The following IGSF11 variants were observed in gnomAD, a reference collection of about 807,000 sequenced individuals.
IGSF11 encodes immunoglobulin superfamily member 11.
IGSF11 carries 22 observed loss-of-function variants against 41.0 expected under a neutral mutation model. The observed-to-expected ratio is 0.54, with a 90% confidence interval of 0.38 to 0.77. The LOEUF is 0.77. Ranked by LOEUF, IGSF11 falls within the 30% of genes least tolerant of loss-of-function variation. IGSF11 has a pLI of 0.00. For synonymous variants in IGSF11, 219 were observed against 201.3 expected, an observed-to-expected ratio of 1.09 and a Z score of -0.74; for missense variants, 444 against 530.8, an observed-to-expected ratio of 0.84 and a Z score of 1.61.
chr3:118,963,254 T>G (rs1040075874), intron 1 of IGSF11, among the ~76,000 whole-genome samples: 1 of 152,192 alleles, frequency 6.6e-6, no homozygotes, highest in African/African-American at 2.4e-5. Context: ...TTCTTAGGCA[T>G]GCTAAAATTT....
chr3:119,027,349 G>C (rs190741430), intron 1 of IGSF11, among the ~76,000 whole-genome samples: 1 of 152,272 alleles, frequency 6.6e-6, no homozygotes, highest in East Asian at 1.9e-4. Context: ...TGAAAATGCT[G>C]TCAAAATACT....
At chr3:118,971,069 T>C (rs1272323936) in intron 1 of IGSF11, among the ~76,000 whole-genome samples, 1 of 152,174 alleles carries the variant, frequency 6.6e-6, no homozygotes, top group East Asian at 1.9e-4. Context: ...ATGTGCCTTA[T>C]GCTCCCTCAT....
chr3:119,086,313 T>C (rs2076672231), intron 1 of IGSF11, among the ~76,000 whole-genome samples: 1 of 152,150 alleles, frequency 6.6e-6, no homozygotes, highest in African/African-American at 2.4e-5. Context: ...GGAAAACATA[T>C]TTGAGGATTC....
chr3:119,066,700 G>A (rs554123900), intron 1 of IGSF11, among the ~76,000 whole-genome samples: 23 of 152,164 alleles, frequency 1.5e-4, no homozygotes, highest in African/African-American at 4.8e-4. Flanking sequence ...GATTGTCATC[G>A]TACCACTATA....
chr3:118,937,186 C>T (rs1429937619), intron 1 of IGSF11, among the ~76,000 whole-genome samples: 3 of 152,208 alleles, frequency 2.0e-5, no homozygotes, highest in African/African-American at 7.2e-5. Flanking sequence ...ATGTCAATAT[C>T]AGTGGTCACA....
intron 1 of IGSF11, among the ~76,000 whole-genome samples, chr3:118,983,097 G>C (rs1330839453): frequency 1.3e-5 from 2 of 152,158 alleles, no homozygotes; most frequent in African/African-American, 4.8e-5. Context: ...AACAGCTTAA[G>C]TCTGGCTCTA....
At chr3:118,974,843 G>A (rs773531941) in intron 1 of IGSF11, among the ~76,000 whole-genome samples, 17 of 151,252 alleles carry the variant, frequency 1.1e-4, no homozygotes, top group Non-Finnish European at 2.4e-4. Context: ...TTTATCATGA[G>A]TTAATCTCAT....
intron 1 of IGSF11, among the ~76,000 whole-genome samples, chr3:119,083,523 C>T (rs202058524): frequency 1.6e-5 from 2 of 124,960 alleles, no homozygotes; most frequent in Non-Finnish European, 3.4e-5. Context: ...CACACACACA[C>T]ACACACACAC....
chr3:118,908,540 T>C (rs2107476831), intron 4 of IGSF11, among the ~76,000 whole-genome samples: 1 of 152,312 alleles, frequency 6.6e-6, no homozygotes, highest in African/African-American at 2.4e-5. Flanking sequence ...TCATTTCACT[T>C]GGTCTGCTCA....
intron 1 of IGSF11, among the ~76,000 whole-genome samples, chr3:119,135,507 A>C (rs1204833237): frequency 1.3e-4 from 20 of 152,224 alleles, no homozygotes; most frequent in African/African-American, 4.8e-4. Context: ...TCAAAATCAC[A>C]ATGAGATATC....
chr3:119,130,745 C>T (rs2077470605), intron 1 of IGSF11, among the ~76,000 whole-genome samples: 1 of 152,154 alleles, frequency 6.6e-6, no homozygotes, highest in South Asian at 2.1e-4. Flanking sequence ...GGTCCCTGAC[C>T]CACATGTAGC....
intron 4 of IGSF11, among the ~76,000 whole-genome samples, chr3:118,910,486 G>A (rs1423372779): frequency 6.6e-6 from 1 of 152,092 alleles, no homozygotes; most frequent in African/African-American, 2.4e-5. Context: ...CTTAGTTCAG[G>A]TCCTTGTCAT....
At chr3:118,985,566 T>G (rs956647660) in intron 1 of IGSF11, among the ~76,000 whole-genome samples, 1 of 152,236 alleles carries the variant, frequency 6.6e-6, no homozygotes, top group African/African-American at 2.4e-5. Context: ...AAATTCAATT[T>G]GTCTGAAACT....
intron 1 of IGSF11, among the ~76,000 whole-genome samples, chr3:119,043,277 C>T (rs1042382852): frequency 6.6e-6 from 1 of 152,168 alleles, no homozygotes; most frequent in Non-Finnish European, 1.5e-5. Flanking sequence ...ATCATTTTCC[C>T]TCCCCCTGTG....
At chr3:118,909,983 A>G (rs1033362231) in intron 4 of IGSF11, among the ~76,000 whole-genome samples, 12 of 152,236 alleles carry the variant, frequency 7.9e-5, no homozygotes, top group Admixed American at 2.6e-4. Context: ...CTTTGCAAGA[A>G]TGATTCATCA....
chr3:119,094,838 A>AT (rs750246888), intron 1 of IGSF11, among the ~76,000 whole-genome samples: 13 of 151,846 alleles, frequency 8.6e-5, no homozygotes, highest in Admixed American at 2.0e-4. Context: ...CACCCAGCTA[A>AT]TTTTTGTATT....
rs1471252945 is a variant in IGSF11 at position 118,901,962 on chromosome 3, T to A, written c.*558A>T. Reference sequence around the variant, plus strand: ...AGACGTTTCCTTTGTCTTCCCCCATTTCTTACTGAATTTTGCTCATGTAAA... The same window carrying A: ...AGACGTTTCCTTTGTCTTCCCCCATATCTTACTGAATTTTGCTCATGTAAA... On this transcript the variant is annotated 3_prime_UTR_variant, in exon 7 of 7. Coordinates refer to ENST00000393775, the MANE Select transcript of IGSF11 (RefSeq NM_001015887.3). The A allele has an allele frequency of 2.0e-5, 3 of 152,368 alleles. No homozygotes were observed. The East Asian group carries it at 5.8e-4, about 29-fold the overall frequency. 9.4% of individuals were successfully genotyped at this position (152,368 alleles called of 1,614,324 possible).
intron 1 of IGSF11, among the ~76,000 whole-genome samples, chr3:119,003,282 G>A (rs1357780372): frequency 2.4e-4 from 34 of 139,012 alleles, no homozygotes; most frequent in Non-Finnish European, 3.1e-4. Flanking sequence ...TTTGTCTGTT[G>A]TTGGTGTATA....
At chr3:118,906,463 C>T (rs1939613686) in intron 4 of IGSF11, among the ~76,000 whole-genome samples, 1 of 152,198 alleles carries the variant, frequency 6.6e-6, no homozygotes, top group Non-Finnish European at 1.5e-5. Flanking sequence ...GAGTCCCATG[C>T]TTTGCAGAAA....
Sources: gnomAD v4.1 joint callset for allele counts (sites outside exome capture counted in the v4.1 genomes callset) on GRCh38, gnomAD v4.1.1 for gene constraint, MANE v1.5 for transcripts, NCBI Gene and HGNC (gene_info 2026-07-23, HGNC 2026-07-21) for gene names.